Variants in CD109 observed in about 807,000 individuals in gnomAD.
CD109 encodes CD109 molecule.
Under a neutral mutation model 165.8 loss-of-function variants are expected in CD109, and 149 were observed. The observed-to-expected ratio is 0.90, with a 90% CI of 0.79 to 1.03. The LOEUF (loss-of-function observed/expected upper bound fraction) is 1.03. Among genes scored for constraint, CD109 ranks in the 50% least tolerant of loss-of-function variants. The probability of loss-of-function intolerance (pLI) is 0.00; values close to 1 mark genes in which losing one functional copy is unlikely to be tolerated. For synonymous variants in CD109, 585 were observed against 592.1 expected, an observed-to-expected ratio of 0.99 and a Z score of 0.18; for missense variants, 1,712 against 1,677.8, an observed-to-expected ratio of 1.02 and a Z score of -0.36.
intron 2 of CD109, among the ~76,000 whole-genome samples, chr6:73,711,832 C>T (rs1415612011): frequency 1.3e-4 from 2 of 15,224 alleles, no homozygotes; most frequent in South Asian, 1.1e-3. Flanking sequence ...CCACCGCGCC[C>T]GGCCTAAGTT....
At chr6:73,681,735 T>C in the CD109 span, among the ~76,000 whole-genome samples, 1 of 152,030 alleles carries the variant, frequency 6.6e-6, no homozygotes, top group Admixed American at 6.6e-5. Flanking sequence ...CCTGAGTAGC[T>C]GGGATTACAG....
chr6:73,803,238 T>C lies in CD109; in HGVS notation c.2897T>C (p.Leu966Pro), dbSNP rs145052923. ...TGTCTAGGTTACCAGAGAGAACTTC[T>C]CTATCAGAGGGAAGATGGCTCTTTC... is the stretch of plus-strand genomic sequence containing the variant. ...FMRQGYQREL[L>P]YQREDGSFSA... The change falls in exon 24 of 33, where the codon CTC (leucine) becomes CCC (proline). Residue 966 changes from leucine (L) to proline (P), a missense_variant. By Grantham distance (98) the Leu-to-Pro change is moderately conservative (BLOSUM62 -3). Transcript: ENST00000287097. 1.4e-4 allele frequency: 218 copies of C among 1,610,916 alleles called. No individual in the cohort carries two copies. Among genetic ancestry groups the C allele is most frequent in the Non-Finnish European group, 1.8e-4 (208 of 1,178,702 alleles).
chr6:73,727,166 A>T (rs1468277606), intron 3 of CD109, among the ~76,000 whole-genome samples: 2 of 152,154 alleles, frequency 1.3e-5, no homozygotes, highest in African/African-American at 4.8e-5. Flanking sequence ...TTTTATAAAA[A>T]TTGCTTAAAG....
At chr6:73,708,999 GT>G (rs1225595796) in intron 2 of CD109, among the ~76,000 whole-genome samples, 2 of 152,126 alleles carry the variant, frequency 1.3e-5, no homozygotes, top group Admixed American at 6.5e-5. Context: ...AAGCTCTTTA[GT>G]TTAATTAGAT....
chr6:73,748,067 A>G (rs997462177), intron 5 of CD109, among the ~76,000 whole-genome samples: 3 of 151,824 alleles, frequency 2.0e-5, no homozygotes, highest in Non-Finnish European at 4.4e-5. Flanking sequence ...ATGGGGTTTC[A>G]CCATGTTGCC....
intron 10 of CD109, among the ~76,000 whole-genome samples, chr6:73,764,457 T>G (rs930578773): frequency 1.3e-5 from 2 of 152,214 alleles, no homozygotes; most frequent in Admixed American, 1.3e-4. Context: ...AGTAAAACTT[T>G]GTTTACAAAC....
chr6:73,775,393 G>A (rs928704171), intron 15 of CD109, among the ~76,000 whole-genome samples: 1 of 152,054 alleles, frequency 6.6e-6, no homozygotes, highest in Non-Finnish European at 1.5e-5. Context: ...TATCTCTCAT[G>A]TTGTAGATTA....
intron 10 of CD109, among the ~76,000 whole-genome samples, chr6:73,764,197 A>G (rs770844612): frequency 2.6e-5 from 4 of 152,230 alleles, no homozygotes; most frequent in South Asian, 2.1e-4. Context: ...CCTCAGGTTC[A>G]CAGTTTTTGT....
chr6:73,794,443 A>G (rs1192408873), intron 23 of CD109, among the ~76,000 whole-genome samples: 5 of 152,172 alleles, frequency 3.3e-5, no homozygotes, highest in Admixed American at 2.6e-4. Flanking sequence ...TAAGGGAGGA[A>G]CATGGGGTCC....
At position 73,823,547 on chromosome 6, in the gene CD109, G is replaced by T; in HGVS notation, c.4252G>T (p.Asp1418Tyr). ...SDVQGCRPCE[D>Y]GASGSHHHSS... ...TGTCCAGGGCTGCCGTCCTTGTGAG[G>T]ATGGAGCTTCAGGCTCCCATCATCA... Residue 1418 changes from aspartate (D) to tyrosine (Y), a missense_variant, in exon 33 of 33, where the codon GAT becomes TAT. Asp to Tyr is a radical substitution (Grantham distance 160, BLOSUM62 -3). Transcript: ENST00000287097. 6.2e-7 allele frequency: 1 copy of T among 1,613,912 alleles called. No homozygotes were observed. The highest frequency in any genetic ancestry group is 8.5e-7 in the Non-Finnish European group (1 of 1,179,912).
chr6:73,782,889 G>A lies in CD109; in HGVS notation c.2105+134G>A, dbSNP rs1236393659. 5.7e-6 allele frequency: 4 copies of A among 705,604 alleles called. No homozygotes were observed. In the African/African-American group the frequency reaches 7.1e-5, roughly 13 times the overall value. The allele number at this position is 705,604 out of a possible 1,614,324, so 43.7% of individuals were successfully genotyped here. ...CTAAGTAGACCAAAAGGATTTTTTA[G>A]GAAATGATATTTATTGAATCTAAAT... On this transcript the variant is annotated intron_variant, in intron 18 of 32. Transcript: ENST00000287097.
At chr6:73,724,443 G>A (rs1455899837) in intron 3 of CD109, among the ~76,000 whole-genome samples, 2 of 151,746 alleles carry the variant, frequency 1.3e-5, no homozygotes, top group Admixed American at 1.3e-4. Context: ...TTTGTTTTGG[G>A]GCTTTACATG....
At chr6:73,713,246 G>A (rs1013511495) in intron 2 of CD109, among the ~76,000 whole-genome samples, 1 of 152,132 alleles carries the variant, frequency 6.6e-6, no homozygotes, top group African/African-American at 2.4e-5. Flanking sequence ...AAAATGTCAA[G>A]TACTTAAAAT....
At chr6:73,798,177 C>T (rs9293943) in intron 23 of CD109, among the ~76,000 whole-genome samples, 3,554 of 150,268 alleles carry the variant, frequency 0.024, 164 homozygotes, top group African/African-American at 0.083. Context: ...TACAGTGGTA[C>T]GATCTTGGCT....
At chr6:73,689,092 G>GA in the CD109 span, among the ~76,000 whole-genome samples, 1 of 152,124 alleles carries the variant, frequency 6.6e-6, no homozygotes, top group Non-Finnish European at 1.5e-5. Flanking sequence ...TAATTAATTA[G>GA]TTTATAAATT....
chr6:73,736,322 G>C, intron 4 of CD109, 61 bp from the exon 5 acceptor site: 1 of 1,580,674 alleles, frequency 6.3e-7, no homozygotes, highest in South Asian at 1.2e-5. Context: ...TTCCTAACCT[G>C]ATAGGATACA....
At chr6:73,779,232 G>T (rs1320556616) in intron 15 of CD109, among the ~76,000 whole-genome samples, 1 of 150,156 alleles carries the variant, frequency 6.7e-6, no homozygotes, top group Admixed American at 6.7e-5. Flanking sequence ...CCATGTTGTA[G>T]CATGTATCAG....
intron 5 of CD109, among the ~76,000 whole-genome samples, chr6:73,755,224 A>T (rs1773345367): frequency 6.6e-6 from 1 of 152,228 alleles, no homozygotes; most frequent in South Asian, 2.1e-4. Context: ...ATGATATGAA[A>T]ACAATTTGAG....
chr6:73,786,366 G>A (rs533786297), intron 20 of CD109, among the ~76,000 whole-genome samples: 12 of 151,714 alleles, frequency 7.9e-5, no homozygotes, highest in African/African-American at 2.9e-4. Context: ...ATATCTTTAG[G>A]CACTTTATAT....
Sources: gnomAD v4.1 joint callset for allele counts (sites outside exome capture counted in the v4.1 genomes callset) on GRCh38, gnomAD v4.1.1 for gene constraint, MANE v1.5 for transcripts, NCBI Gene and HGNC (gene_info 2026-07-23, HGNC 2026-07-21) for gene names.